The following WIF1 variants were observed in gnomAD, a reference collection of about 807,000 sequenced individuals.
WIF1 encodes the protein Wnt inhibitory factor 1.
Under a neutral mutation model 53.5 loss-of-function variants are expected in WIF1, and 35 were observed. That is an observed-to-expected ratio of 0.65 (90% CI 0.50 to 0.87). The LOEUF (loss-of-function observed/expected upper bound fraction) is 0.87, where lower values mean the gene tolerates loss of function less well. WIF1 is among the 40% of genes least tolerant of loss of function. The pLI is 0.00. For missense variants in WIF1, 467 were observed against 476.8 expected (o/e 0.98, Z 0.19); for synonymous variants, 171 against 170.4 (o/e 1.00, Z -0.03).
intron 2 of WIF1, among the ~76,000 whole-genome samples, chr12:65,102,435 G>C (rs573313526): frequency 6.6e-6 from 1 of 152,114 alleles, no homozygotes; most frequent in Non-Finnish European, 1.5e-5. Flanking sequence ...CCCATAGGAG[G>C]GGCAGCCTTT....
At chr12:65,084,633 C>A (rs963511625) in intron 2 of WIF1, among the ~76,000 whole-genome samples, 3 of 152,082 alleles carry the variant, frequency 2.0e-5, no homozygotes, top group Non-Finnish European at 4.4e-5. Context: ...CATATTTTTT[C>A]CAATGGTCTA....
At chr12:65,083,368 C>T (rs1054708535) in intron 2 of WIF1, among the ~76,000 whole-genome samples, 1 of 152,166 alleles carries the variant, frequency 6.6e-6, no homozygotes, top group Non-Finnish European at 1.5e-5. Context: ...ATTGCCAGAT[C>T]TCACATTCTT....
intron 6 of WIF1, among the ~76,000 whole-genome samples, chr12:65,065,725 G>T (rs1005602914): frequency 6.6e-6 from 1 of 152,016 alleles, no homozygotes; most frequent in Non-Finnish European, 1.5e-5. Flanking sequence ...CATACAATTA[G>T]CATTTTTAAC....
intron 2 of WIF1, among the ~76,000 whole-genome samples, chr12:65,086,531 G>C (rs1016152797): frequency 6.6e-6 from 1 of 152,126 alleles, no homozygotes; most frequent in African/African-American, 2.4e-5. Context: ...GAACAGCATG[G>C]AGAAACTTGA....
chr12:65,120,265 T>G, intron 2 of WIF1, 152 bp downstream of exon 2: 1 of 834,720 alleles, frequency 1.2e-6, no homozygotes, highest in Non-Finnish European at 1.7e-6. Context: ...CAACTTGAAA[T>G]AAATGGAAAT....
At position 65,107,881 on chromosome 12, in the gene WIF1, A is replaced by G. The variant is rs578120475; in HGVS notation, c.288+12536T>C. ...ACCTGGTGGTATAGTGACATTTGTC[A>G]TATTCATCTCCAAAGAATTAATGGC... On this transcript the variant is annotated intron_variant, in intron 2 of 9. Coordinates refer to ENST00000286574, the MANE Select transcript of WIF1 (RefSeq NM_007191.5). Among the ~76,000 whole-genome samples the G allele has an allele frequency of 1.7e-3, 255 of 152,322 alleles. 1 individual carries two copies. The highest frequency in any genetic ancestry group is 3.4e-3 in the Middle Eastern group (1 of 294).
At position 65,066,718 on chromosome 12, in the gene WIF1, C is replaced by A; in HGVS notation, c.653G>T (p.Cys218Phe). 1 of 1,609,298 alleles carries A rather than the reference C, an allele frequency of 6.2e-7. No homozygotes were observed. Among genetic ancestry groups the A allele is most frequent in the South Asian group, 1.1e-5 (1 of 90,304 alleles). ...AGTCACACAAAGTCCACCATTCATA[C>A]ATCGTGGGGTACAAAGGGCTTATAG... Reference protein sequence around the residue: ...HCEKALCTPRCMNGGLCVTPG... With the variant: ...HCEKALCTPRFMNGGLCVTPG... Residue 218 changes from cysteine (C) to phenylalanine (F), a missense_variant, in exon 6 of 10, where the codon TGT (cysteine) becomes TTT (phenylalanine). By Grantham distance (205) the Cys-to-Phe change is radical. Transcript: ENST00000286574.
In WIF1 at chr12:65,050,675, A is replaced by G. The variant is rs1200442841; in HGVS notation, c.*674T>C. On this transcript the variant is annotated 3_prime_UTR_variant, in exon 10 of 10. Transcript: ENST00000286574. ...ATTTTATACATACAAACAGTATAAA[A>G]TGTTTATTAGGTAAGAGCTGTGTTT... 1.1e-5 allele frequency: 2 copies of G among 181,182 alleles called. No individual in the cohort carries two copies. Among genetic ancestry groups the G allele is most frequent in the African/African-American group, 4.7e-5 (2 of 42,484 alleles). 11.2% of individuals were successfully genotyped at this position (181,182 alleles called of 1,614,324 possible). A position where few individuals can be genotyped will look rare whatever the true frequency, so the allele number is the denominator to read the frequency against.
chr12:65,084,493 A>T (rs1883005605), intron 2 of WIF1, among the ~76,000 whole-genome samples: 1 of 152,194 alleles, frequency 6.6e-6, no homozygotes, highest in Non-Finnish European at 1.5e-5. Flanking sequence ...ACCTCTACTG[A>T]CCTTCAATAG....
At chr12:65,095,832 A>T (rs1386452650) in intron 2 of WIF1, 1 of 152,176 alleles carries the variant, frequency 6.6e-6, no homozygotes, top group Non-Finnish European at 1.5e-5. Flanking sequence ...TGACATGCAA[A>T]TTCATGAAGC....
chr12:65,073,364 A>C (rs1211168330), intron 3 of WIF1, among the ~76,000 whole-genome samples: 1 of 152,132 alleles, frequency 6.6e-6, no homozygotes, highest in Middle Eastern at 3.2e-3. Flanking sequence ...TGGATTCCTA[A>C]AAGTCCTAGT....
rs775650473 is a variant in WIF1 at position 65,120,421 on chromosome 12, C to G, written c.284G>C (p.Gly95Ala). Residue 95 changes from glycine to alanine, a missense_variant, in exon 2 of 10, where the codon GGG (glycine) becomes GCG (alanine). Physicochemically the swap from Gly to Ala is moderately conservative, Grantham distance 60. Coordinates refer to ENST00000286574, the MANE Select transcript of WIF1 (RefSeq NM_007191.5). ...HSMNFTWQAA[G>A]QAEYFYEFLS... The stretch of plus-strand genomic sequence containing the variant: ...GGTAATTTTCTCAGAACTTACCTGC[C>G]CTGCAGCTTGCCAGGTAAAATTCAT... The G allele has an allele frequency of 3.7e-6, 6 of 1,613,202 alleles. No individual in the cohort carries two copies. Among genetic ancestry groups the G allele is most frequent in the Non-Finnish European group, 8.5e-7 (1 of 1,179,752 alleles).
intron 9 of WIF1, among the ~76,000 whole-genome samples, chr12:65,052,892 T>G (rs1305294524): frequency 6.6e-6 from 1 of 152,208 alleles, no homozygotes; most frequent in Non-Finnish European, 1.5e-5. Flanking sequence ...GAAGTAACAG[T>G]GCCCTTGTGC....
intron 2 of WIF1, among the ~76,000 whole-genome samples, chr12:65,108,624 C>T (rs1041878200): frequency 6.6e-6 from 1 of 152,292 alleles, no homozygotes; most frequent in African/African-American, 2.4e-5. Context: ...GTCGATTACA[C>T]CTCCCCTCCC....
At chr12:65,076,474 T>C (rs1378130200) in intron 3 of WIF1, among the ~76,000 whole-genome samples, 1 of 152,206 alleles carries the variant, frequency 6.6e-6, no homozygotes, top group African/African-American at 2.4e-5. Flanking sequence ...AGAAAGTAAT[T>C]TGGCATTTTG....
intron 2 of WIF1, among the ~76,000 whole-genome samples, chr12:65,106,359 TCATATATATATATA>T (rs1332321193): frequency 6.8e-5 from 10 of 147,672 alleles, no homozygotes; most frequent in Admixed American, 1.3e-4. Context: ...ATATATATGA[TCATATATATATATA>T]TTTTTTTTTA....
chr12:65,076,690 T>C (rs1037208470), intron 3 of WIF1, among the ~76,000 whole-genome samples: 1 of 152,116 alleles, frequency 6.6e-6, no homozygotes, highest in Non-Finnish European at 1.5e-5. Flanking sequence ...AGGGCTCCTA[T>C]GTGCATGGAA....
At chr12:65,066,604 AG>A in intron 6 of WIF1, 36 bp downstream of exon 6, 1 of 1,546,762 alleles carries the variant, frequency 6.5e-7, no homozygotes, top group Non-Finnish European at 8.8e-7. Flanking sequence ...ACATTTTAAA[AG>A]TAAAAATAAC....
intron 9 of WIF1, among the ~76,000 whole-genome samples, chr12:65,052,887 A>G (rs1251552802): frequency 1.3e-5 from 2 of 152,192 alleles, no homozygotes; most frequent in Admixed American, 6.5e-5. Flanking sequence ...CATCAGAAGT[A>G]ACAGTGCCCT....
Sources: allele counts gnomAD v4.1 joint callset (sites outside exome capture counted in the v4.1 genomes callset), GRCh38; gene constraint gnomAD v4.1.1; transcripts MANE v1.5; gene names NCBI Gene and HGNC (gene_info 2026-07-23, HGNC 2026-07-21).